MYT1L: variants seen among roughly 807,000 people sequenced by gnomAD.
MYT1L encodes myelin transcription factor 1-like protein.
MYT1L carries 12 observed loss-of-function variants against 126.7 expected under a neutral mutation model. The observed-to-expected ratio is 0.09, with a 90% CI of 0.06 to 0.15. The LOEUF is 0.15. Ranked by LOEUF, MYT1L falls within the 10% of genes least tolerant of loss-of-function variation. The pLI is 1.00. For synonymous variants in MYT1L, 541 were observed against 604.2 expected (o/e 0.90, Z 1.53); for missense variants, 979 against 1,585.2 (o/e 0.62, Z 6.49).
At chr2:1,991,027 C>T (rs1195316881) in intron 5 of MYT1L, among the ~76,000 whole-genome samples, 2 of 152,192 alleles carry the variant, frequency 1.3e-5, no homozygotes, top group Non-Finnish European at 2.9e-5. Flanking sequence ...ACCTGCACTT[C>T]CCATCTTGTC....
chr2:2,155,832 T>C (rs2086633256), intron 3 of MYT1L, among the ~76,000 whole-genome samples: 1 of 152,170 alleles, frequency 6.6e-6, no homozygotes, highest in Admixed American at 6.5e-5. Context: ...CACTCCTTAC[T>C]CCTGTCATGA....
At chr2:2,031,292 C>G (rs1257378272) in intron 4 of MYT1L, among the ~76,000 whole-genome samples, 1 of 152,224 alleles carries the variant, frequency 6.6e-6, no homozygotes, top group African/African-American at 2.4e-5. Context: ...GATGGAGTGT[C>G]AGATAAGGTC....
rs1487989968 is a variant in MYT1L, at chr2:2,224,266, T to C, written c.-420-51278A>G. Among the ~76,000 whole-genome samples the C allele has an allele frequency of 6.6e-5, 10 of 152,036 alleles. No homozygotes were observed. The highest frequency in any genetic ancestry group is 2.9e-5 in the Non-Finnish European group (2 of 68,014). Reference sequence around the variant, plus strand: ...TGAGAGCCCATTGTGCACTCCCTCATTTAAAATAGCAGGGTGTGACAGCAA... The same window carrying C: ...TGAGAGCCCATTGTGCACTCCCTCACTTAAAATAGCAGGGTGTGACAGCAA... On this transcript the variant is annotated intron_variant, in intron 2 of 24. Transcript: ENST00000647738. This position sits in a 1 kb window ranked among gnomAD's most constrained non-coding sequence, Gnocchi z 4.0.
rs149328330 is a variant in MYT1L, at chr2:1,895,483, A to G, written c.2033-3196T>C. Among the ~76,000 whole-genome samples, 72 of 152,356 alleles carry G rather than the reference A, an allele frequency of 4.7e-4. 3 individuals are homozygous for G. In the East Asian group the frequency reaches 0.014, roughly 29 times the overall value. ...ACACGATAAGGCTACAGTAACCAAA[A>G]TAGCTTGGTACTGGTGTAAAAGCAG... On this transcript the variant is annotated intron_variant, in intron 14 of 24. Transcript: ENST00000647738.
In MYT1L at chr2:1,917,113, G is replaced by A. The variant is rs578147651; in HGVS notation, c.1618+92C>T. 2.0e-5 allele frequency: 29 copies of A among 1,484,568 alleles called. No homozygotes were observed. The highest frequency in any genetic ancestry group is 2.8e-5 in the African/African-American group (2 of 72,134). 92.0% of individuals were successfully genotyped at this position (1,484,568 alleles called of 1,614,324 possible). A position where few individuals can be genotyped will look rare whatever the true frequency, so the allele number is the denominator to read the frequency against. ...TAGTTAAATCAGGTCGCACCGAGCC[G>A]TACAATGGAGATGATGTCAGGTAAG... On this transcript the variant is annotated intron_variant, in intron 11 of 24. Coordinates refer to ENST00000647738, the MANE Select transcript of MYT1L (RefSeq NM_001303052.2). This position sits in a 1 kb window ranked among gnomAD's most constrained non-coding sequence, Gnocchi z 5.9.
intron 14 of MYT1L, among the ~76,000 whole-genome samples, chr2:1,894,842 T>C (rs2049380770): frequency 6.6e-6 from 1 of 152,146 alleles, no homozygotes. Context: ...CCTCTCACAG[T>C]GACTCCTGCT....
Position 1,922,185 on chromosome 2 carries a change from A to G in MYT1L, c.1483+101T>C, listed in dbSNP as rs146186677. The stretch of plus-strand genomic sequence containing the variant: ...AACTCTAAGAATGTGCAGTAGAGAC[A>G]TAATTCAGTGTGAGTCACACTTTAA... On this transcript the variant is annotated intron_variant, in intron 10 of 24. Coordinates refer to ENST00000647738, the MANE Select transcript of MYT1L (RefSeq NM_001303052.2). This position sits in a 1 kb window ranked among gnomAD's most constrained non-coding sequence, Gnocchi z 7.4. 60 of 1,437,638 alleles carry G rather than the reference A, an allele frequency of 4.2e-5. No individual in the cohort carries two copies. Among genetic ancestry groups the G allele is most frequent in the Non-Finnish European group, 4.9e-5 (52 of 1,065,158 alleles). 89.1% of individuals were successfully genotyped at this position (1,437,638 alleles called of 1,614,324 possible). A position where few individuals can be genotyped will look rare whatever the true frequency, so the allele number is the denominator to read the frequency against.
At chr2:2,259,099 A>C (rs2094890730) in intron 2 of MYT1L, among the ~76,000 whole-genome samples, 1 of 19,506 alleles carries the variant, frequency 5.1e-5, no homozygotes, top group Admixed American at 5.0e-4. Context: ...TTGTAGGGAC[A>C]TGGATGAAAT....
chr2:2,324,569 G>C (rs1215719523), intron 1 of MYT1L: 1 of 152,680 alleles, frequency 6.5e-6, no homozygotes, highest in African/African-American at 2.4e-5. Context: ...AAATTAATAA[G>C]TTGACACCAC....
rs565576617 is a variant in MYT1L, at chr2:2,234,468, T to C, written c.-421+49936A>G. Among the ~76,000 whole-genome samples the C allele has an allele frequency of 7.6e-4, 115 of 152,310 alleles. 1 individual carries two copies. Among genetic ancestry groups the C allele is most frequent in the African/African-American group, 2.5e-3 (105 of 41,560 alleles). On this transcript the variant is annotated intron_variant, in intron 2 of 24. Coordinates refer to ENST00000647738, the MANE Select transcript of MYT1L (RefSeq NM_001303052.2). ...AGATCTTGCAAAGTTTGAGAGATTA[T>C]CTTTGGATACATAATATATACCTTT... is the stretch of plus-strand genomic sequence containing the variant.
chr2:2,122,872 TGA>T lies in MYT1L; in HGVS notation c.-304+49998_-304+49999del, dbSNP rs57060194. ...GTGTGTGTGTGTGTGTGTGTGTGTG[TGA>T]GAGAGAGAGAGAGAGAGACCAATGA... On this transcript the variant is annotated intron_variant, in intron 3 of 24. Transcript: ENST00000647738. 6.2e-3 allele frequency among the ~76,000 whole-genome samples: 820 copies of T among 132,944 alleles called. 6 individuals carry two copies. Among genetic ancestry groups the T allele is most frequent in the African/African-American group, 0.019 (648 of 33,772 alleles). 87.2% of individuals were successfully genotyped at this position (132,944 alleles called of 152,430 possible).
chr2:2,038,106 G>A (rs1001108464), intron 4 of MYT1L, among the ~76,000 whole-genome samples: 3 of 152,174 alleles, frequency 2.0e-5, no homozygotes, highest in Non-Finnish European at 4.4e-5. Context: ...CAATAGGACC[G>A]GGACTACAAT....
chr2:2,145,610 G>C (rs1379110801), intron 3 of MYT1L, among the ~76,000 whole-genome samples: 1 of 150,370 alleles, frequency 6.7e-6, no homozygotes, highest in African/African-American at 2.5e-5. Flanking sequence ...ACACCTTTCA[G>C]TATCCACTGG....
intron 11 of MYT1L, among the ~76,000 whole-genome samples, chr2:1,916,888 G>A (rs183575989): frequency 5.3e-5 from 8 of 152,318 alleles, no homozygotes; most frequent in Admixed American, 4.6e-4. Flanking sequence ...ATTCAATTCT[G>A]TAATTACGAG....
chr2:2,227,948 C>T lies in MYT1L; in HGVS notation c.-420-54960G>A, dbSNP rs1417230637. 2.0e-5 allele frequency among the ~76,000 whole-genome samples: 3 copies of T among 152,208 alleles called. No homozygotes were observed. The East Asian group carries it at 5.8e-4, about 29-fold the overall frequency. The stretch of plus-strand genomic sequence containing the variant: ...GATTTACATATTAGCTTGTTCAATT[C>T]TTCAGATATTCTGAAAGGCAGATAC... On this transcript the variant is annotated intron_variant, in intron 2 of 24. Transcript: ENST00000647738.
intron 8 of MYT1L, among the ~76,000 whole-genome samples, chr2:1,959,105 C>T (rs1486888350): frequency 2.0e-5 from 3 of 152,042 alleles, no homozygotes; most frequent in African/African-American, 7.2e-5. Flanking sequence ...ATGATGACAT[C>T]AACAATCAAT....
chr2:1,893,783 T>C (rs1400116133), intron 14 of MYT1L, among the ~76,000 whole-genome samples: 2 of 152,096 alleles, frequency 1.3e-5, no homozygotes, highest in Non-Finnish European at 2.9e-5. Context: ...TGCTAAGAAA[T>C]TGCCCTGGAT....
intron 19 of MYT1L, chr2:1,842,875 T>TCCCAGGCGC (rs1292962438): frequency 1.4e-5 from 2 of 138,556 alleles, no homozygotes; most frequent in East Asian, 2.1e-4. Flanking sequence ...CAGCTTCCGC[T>TCCCAGGCGC]TCCAGGCGCT....
At chr2:1,964,370 G>T (rs1214406415) in intron 8 of MYT1L, among the ~76,000 whole-genome samples, 1 of 152,180 alleles carries the variant, frequency 6.6e-6, no homozygotes, top group Non-Finnish European at 1.5e-5. Flanking sequence ...TTGAAACGTG[G>T]TACAGAGACA....
Sources: allele counts gnomAD v4.1 joint callset (sites outside exome capture counted in the v4.1 genomes callset), GRCh38; gene constraint gnomAD v4.1.1; non-coding constraint Gnocchi (gnomAD v3.1); transcripts MANE v1.5; gene names NCBI Gene and HGNC (gene_info 2026-07-23, HGNC 2026-07-21).